NCMAP: variants seen among roughly 807,000 people sequenced by gnomAD.
The protein encoded by NCMAP is noncompact myelin-associated protein.
A neutral mutation model predicts 7.8 loss-of-function variants in NCMAP; 8 were observed. That is an observed-to-expected ratio of 1.02 (90% CI 0.60 to 1.84). The LOEUF (loss-of-function observed/expected upper bound fraction) is 1.84. Ranked by LOEUF, NCMAP falls within the 40% of genes most tolerant of loss-of-function variation. The pLI is 0.00. For synonymous variants in NCMAP, 41 were observed against 52.9 expected (o/e 0.78, Z 0.98); for missense variants, 112 against 131.4 (o/e 0.85, Z 0.72).
chr1:24,599,096 A>G (rs1652362862), intron 2 of NCMAP, among the ~76,000 whole-genome samples: 1 of 148,570 alleles, frequency 6.7e-6, no homozygotes, highest in Non-Finnish European at 1.5e-5. Flanking sequence ...CCTGGCCAAC[A>G]TGGTGAAACC....
intron 1 of NCMAP, among the ~76,000 whole-genome samples, chr1:24,580,882 T>G (rs1228983216): frequency 1.3e-5 from 2 of 152,234 alleles, no homozygotes; most frequent in African/African-American, 4.8e-5. Context: ...GTCTGTAGGT[T>G]TAGGCCTTTG....
intron 1 of NCMAP, among the ~76,000 whole-genome samples, chr1:24,567,969 G>A (rs1166497469): frequency 6.6e-6 from 1 of 152,040 alleles, no homozygotes; most frequent in Non-Finnish European, 1.5e-5. Flanking sequence ...AGAATCGACC[G>A]AGGGTTCCGC....
intron 2 of NCMAP, among the ~76,000 whole-genome samples, chr1:24,598,400 C>A (rs1024371607): frequency 2.0e-5 from 3 of 151,890 alleles, no homozygotes; most frequent in African/African-American, 7.3e-5. Flanking sequence ...CCATCCTCCA[C>A]CCCCCCAAGG....
At chr1:24,574,793 A>AC (rs1371008325) in intron 1 of NCMAP, among the ~76,000 whole-genome samples, 75 of 141,238 alleles carry the variant, frequency 5.3e-4, no homozygotes, top group African/African-American at 2.0e-3. Context: ...GGCCCGCAAT[A>AC]CTTTTTTTTT....
At chr1:24,557,822 G>A (rs1650947789) in intron 1 of NCMAP, among the ~76,000 whole-genome samples, 1 of 152,194 alleles carries the variant, frequency 6.6e-6, no homozygotes, top group South Asian at 2.1e-4. Flanking sequence ...TGCCAAGCCA[G>A]CCAGCCGCGG....
At chr1:24,578,407 C>T (rs184983520) in intron 1 of NCMAP, among the ~76,000 whole-genome samples, 7 of 122,206 alleles carry the variant, frequency 5.7e-5, no homozygotes, top group Non-Finnish European at 9.7e-5. Flanking sequence ...TCCTGGGACA[C>T]GGAGTTGCTT....
chr1:24,600,793 C>T, intron 2 of NCMAP, 147 bp from the exon 3 acceptor site: 1 of 715,242 alleles, frequency 1.4e-6, no homozygotes, highest in Non-Finnish European at 2.5e-6. Flanking sequence ...ATGTGACTGT[C>T]CTGGGGTCAA....
intron 1 of NCMAP, among the ~76,000 whole-genome samples, chr1:24,567,395 G>T (rs1344398113): frequency 6.6e-6 from 1 of 152,164 alleles, no homozygotes; most frequent in Non-Finnish European, 1.5e-5. Flanking sequence ...CTTCAGATAG[G>T]AGGAGAGGCT....
chr1:24,575,013 C>T (rs1651509380), intron 1 of NCMAP, among the ~76,000 whole-genome samples: 1 of 152,066 alleles, frequency 6.6e-6, no homozygotes. Flanking sequence ...TGGTCTTGAA[C>T]TCCTGACCTC....
At position 24,602,261 on chromosome 1, in the gene NCMAP, A is replaced by AAAT. The variant is rs1652526203; in HGVS notation, c.167+1237_167+1238insAAT. Among the ~76,000 whole-genome samples the AAAT allele has an allele frequency of 2.0e-5, 3 of 152,144 alleles. No homozygotes were observed. The South Asian group carries it at 6.2e-4, about 32-fold the overall frequency. ...ATTGTTAGTTTTTGCTGGGAGGGGG[A>AAAT]TGTTCCTAATTTTTGAGGAATGGTA... On this transcript the variant is annotated intron_variant, in intron 3 of 3. Transcript: ENST00000374392.
Position 24,571,436 on chromosome 1 carries a change from T to C in NCMAP, c.-8+15267T>C, listed in dbSNP as rs949217628. Among the ~76,000 whole-genome samples the C allele has an allele frequency of 2.7e-5, 4 of 148,750 alleles. 1 individual carries two copies. The highest frequency in any genetic ancestry group is 2.0e-4 in the East Asian group (1 of 5,126). On this transcript the variant is annotated intron_variant, in intron 1 of 3. Transcript: ENST00000374392. Reference sequence around the variant, plus strand: ...GTTGCTGTGAGTGGAGATCACGCCATTGGACTCCAGCCTGGGTGACAGAGC... The same window carrying C: ...GTTGCTGTGAGTGGAGATCACGCCACTGGACTCCAGCCTGGGTGACAGAGC...
chr1:24,602,777 G>A (rs1006684883), intron 3 of NCMAP, among the ~76,000 whole-genome samples: 14 of 150,974 alleles, frequency 9.3e-5, no homozygotes, highest in Admixed American at 5.3e-4. Flanking sequence ...TAGCTAGGCC[G>A]GGCGTGGTGG....
chr1:24,571,744 C>T (rs1277919738), intron 1 of NCMAP, among the ~76,000 whole-genome samples: 1 of 149,750 alleles, frequency 6.7e-6, no homozygotes, highest in Non-Finnish European at 1.5e-5. Flanking sequence ...CGCCACCACG[C>T]CTGGCTAATT....
intron 3 of NCMAP, among the ~76,000 whole-genome samples, chr1:24,604,417 A>G (rs113617384): frequency 0.052 from 7,778 of 149,668 alleles, 703 homozygotes; most frequent in African/African-American, 0.18. Context: ...TCTACTAAAA[A>G]TACAAAAAGT....
At chr1:24,572,916 C>T (rs1322380717) in intron 1 of NCMAP, among the ~76,000 whole-genome samples, 2 of 150,902 alleles carry the variant, frequency 1.3e-5, no homozygotes, top group Middle Eastern at 3.4e-3. Flanking sequence ...TACTCAGTCT[C>T]TCTGAGCCTC....
chr1:24,574,889 G>A (rs1247845204), intron 1 of NCMAP, among the ~76,000 whole-genome samples: 3 of 147,102 alleles, frequency 2.0e-5, no homozygotes, highest in African/African-American at 5.0e-5. Flanking sequence ...ACTGCCTCCC[G>A]GGTTCAAGCA....
At chr1:24,588,904 T>C (rs1040562039) in intron 1 of NCMAP, among the ~76,000 whole-genome samples, 1 of 152,122 alleles carries the variant, frequency 6.6e-6, no homozygotes, top group African/African-American at 2.4e-5. Context: ...AAGCCCCACA[T>C]TGATTTGGGC....
At chr1:24,592,773 G>T (rs1325633587) in intron 1 of NCMAP, among the ~76,000 whole-genome samples, 1 of 152,080 alleles carries the variant, frequency 6.6e-6, no homozygotes. Flanking sequence ...AAAAAAATTA[G>T]CCGGGAGTGG....
chr1:24,598,590 T>C (rs1557603040), intron 2 of NCMAP, among the ~76,000 whole-genome samples: 1 of 152,110 alleles, frequency 6.6e-6, no homozygotes, highest in African/African-American at 2.4e-5. Flanking sequence ...ATATATTGGG[T>C]GGATGTATGT....
Sources: allele counts gnomAD v4.1 joint callset (sites outside exome capture counted in the v4.1 genomes callset), GRCh38; gene constraint gnomAD v4.1.1; transcripts MANE v1.5; gene names NCBI Gene and HGNC (gene_info 2026-07-23, HGNC 2026-07-21).